Variants in FNDC3B observed in about 807,000 individuals in gnomAD.
The protein encoded by FNDC3B is fibronectin type III domain-containing protein 3B.
In FNDC3B, 12 loss-of-function variants were observed where a neutral mutation model predicts 151.5. The ratio of observed to expected loss-of-function variants is 0.08; its 90% CI spans 0.05 to 0.13. The LOEUF (loss-of-function observed/expected upper bound fraction) is 0.13, where lower values mean the gene tolerates loss of function less well. FNDC3B is among the 10% of genes least tolerant of loss of function. FNDC3B has a pLI of 1.00. For missense variants in FNDC3B, 1,214 were observed against 1,505.3 expected, an observed-to-expected ratio of 0.81 and a Z score of 3.20; for synonymous variants, 528 against 549.0, an observed-to-expected ratio of 0.96 and a Z score of 0.54.
chr3:172,125,007 T>C (rs77635823), intron 2 of FNDC3B, among the ~76,000 whole-genome samples: 7,994 of 152,250 alleles, frequency 0.053, 687 homozygotes, highest in African/African-American at 0.18. Context: ...CCCACTTATC[T>C]CCTCTTCCAA....
chr3:172,211,625 T>C (rs1725736077), intron 3 of FNDC3B, among the ~76,000 whole-genome samples: 1 of 152,244 alleles, frequency 6.6e-6, no homozygotes, highest in South Asian at 2.1e-4. Flanking sequence ...GGGATTCAAC[T>C]GCCTAAGTTT....
At chr3:172,265,660 A>G (rs901801267) in intron 6 of FNDC3B, among the ~76,000 whole-genome samples, 15 of 152,192 alleles carry the variant, frequency 9.9e-5, no homozygotes, top group African/African-American at 3.6e-4. Flanking sequence ...TGTTCCTGGA[A>G]AATTACTTTT....
intron 15 of FNDC3B, chr3:172,335,741 A>G (rs770696823): frequency 6.6e-6 from 1 of 152,212 alleles, no homozygotes; most frequent in African/African-American, 2.4e-5. Flanking sequence ...AAGGTTGACA[A>G]TTAATATGTA....
chr3:172,058,296 A>G (rs1717014437), intron 1 of FNDC3B, among the ~76,000 whole-genome samples: 1 of 87,340 alleles, frequency 1.1e-5, no homozygotes, highest in Non-Finnish European at 2.5e-5. Context: ...TGTGGTTTCA[A>G]TAACAAGAAA....
chr3:172,389,014 G>T (rs576662651), intron 25 of FNDC3B, among the ~76,000 whole-genome samples: 2 of 152,128 alleles, frequency 1.3e-5, no homozygotes, highest in African/African-American at 2.4e-5. Flanking sequence ...TTTCTCTTCC[G>T]CAGAAGGATG....
intron 1 of FNDC3B, among the ~76,000 whole-genome samples, chr3:172,077,723 T>TC (rs1553869868): frequency 4.6e-5 from 7 of 151,666 alleles, no homozygotes; most frequent in South Asian, 2.1e-4. Flanking sequence ...ATTTGACTTT[T>TC]TCCCCCCCAA....
chr3:172,179,387 A>G (rs1331142614), intron 3 of FNDC3B, among the ~76,000 whole-genome samples: 1 of 152,140 alleles, frequency 6.6e-6, no homozygotes, highest in African/African-American at 2.4e-5. Context: ...TATTATGCTC[A>G]AGGTAAATGT....
chr3:172,331,381 G>A lies in FNDC3B; in HGVS notation c.1554+666G>A, dbSNP rs1175257390. 3.3e-5 allele frequency among the ~76,000 whole-genome samples: 5 copies of A among 152,140 alleles called. No homozygotes were observed. The South Asian group carries it at 8.3e-4, about 25-fold the overall frequency. On this transcript the variant is annotated intron_variant, in intron 13 of 25. Coordinates refer to ENST00000415807, the MANE Select transcript of FNDC3B (RefSeq NM_022763.4). ...TTTTGTTTTGTTTTGTTTTTGAGAT[G>A]GAGTCTTGCTCTGTCACCCAGGCTG...
At chr3:172,116,537 G>C (rs919348929) in intron 2 of FNDC3B, among the ~76,000 whole-genome samples, 1 of 151,522 alleles carries the variant, frequency 6.6e-6, no homozygotes, top group Non-Finnish European at 1.5e-5. Context: ...ATAACATTTG[G>C]TCTTTTGTGT....
chr3:172,267,762 G>A (rs1203359323), intron 6 of FNDC3B, among the ~76,000 whole-genome samples: 1 of 152,156 alleles, frequency 6.6e-6, no homozygotes, highest in African/African-American at 2.4e-5. Context: ...GATTTACAAA[G>A]TTTAAAAGTA....
At chr3:172,116,678 G>T (rs184267675) in intron 2 of FNDC3B, among the ~76,000 whole-genome samples, 7 of 152,180 alleles carry the variant, frequency 4.6e-5, no homozygotes, top group African/African-American at 1.7e-4. Flanking sequence ...CAATTCTCCT[G>T]CCTCAGCCTT....
chr3:172,327,908 CA>C (rs563627446), intron 11 of FNDC3B, among the ~76,000 whole-genome samples: 3 of 152,230 alleles, frequency 2.0e-5, no homozygotes, highest in Non-Finnish European at 4.4e-5. Context: ...ACACATTGCT[CA>C]AGGCCCTGGG....
chr3:172,054,719 G>A (rs927628201), intron 1 of FNDC3B, among the ~76,000 whole-genome samples: 1 of 152,004 alleles, frequency 6.6e-6, no homozygotes, highest in African/African-American at 2.4e-5. Flanking sequence ...CCCTGAACAG[G>A]GGGGTAGGGG....
At chr3:172,340,968 GA>G in intron 16 of FNDC3B, 144 bp from the exon 17 acceptor site, 1 of 640,220 alleles carries the variant, frequency 1.6e-6, no homozygotes, top group Non-Finnish European at 2.8e-6. Context: ...CTTTGTAAAA[GA>G]AAAAGGAAGA....
At chr3:172,223,496 A>G (rs1435396544) in intron 3 of FNDC3B, among the ~76,000 whole-genome samples, 2 of 152,218 alleles carry the variant, frequency 1.3e-5, no homozygotes. Context: ...TGTAAATCAC[A>G]TGCTTGTCCT....
chr3:172,378,706 C>G (rs896512284), intron 24 of FNDC3B, among the ~76,000 whole-genome samples: 2 of 152,108 alleles, frequency 1.3e-5, no homozygotes, highest in African/African-American at 4.8e-5. Context: ...TGCTGCAACC[C>G]TTAAGACAGT....
intron 2 of FNDC3B, among the ~76,000 whole-genome samples, chr3:172,131,129 G>GCTCA: frequency 6.6e-6 from 1 of 152,276 alleles, no homozygotes; most frequent in East Asian, 1.9e-4. Context: ...CGGCGCAGTG[G>GCTCA]CTCACGCCTG....
intron 3 of FNDC3B, among the ~76,000 whole-genome samples, chr3:172,145,755 A>G (rs1721872919): frequency 6.6e-6 from 1 of 152,114 alleles, no homozygotes; most frequent in South Asian, 2.1e-4. Flanking sequence ...GAGGAAGAGT[A>G]ATCTTTGCAG....
At chr3:172,188,651 C>A (rs985527250) in intron 3 of FNDC3B, among the ~76,000 whole-genome samples, 1 of 151,428 alleles carries the variant, frequency 6.6e-6, no homozygotes, top group African/African-American at 2.4e-5. Flanking sequence ...GTGATCCGCC[C>A]GCCTCAGCCT....
Sources: gnomAD v4.1 joint callset for allele counts (sites outside exome capture counted in the v4.1 genomes callset) on GRCh38, gnomAD v4.1.1 for gene constraint, MANE v1.5 for transcripts, NCBI Gene and HGNC (gene_info 2026-07-23, HGNC 2026-07-21) for gene names.